Variants in C1orf21 observed in about 807,000 individuals in gnomAD.
C1orf21 encodes uncharacterized protein C1orf21.
In C1orf21, 3 loss-of-function variants were observed where a neutral mutation model predicts 18.7. That is an observed-to-expected ratio of 0.16 (90% CI 0.07 to 0.42). The LOEUF is 0.42. C1orf21 is among the 10% of genes least tolerant of loss of function. The pLI is 0.99. For missense variants in C1orf21, 104 were observed against 143.6 expected (o/e 0.72, Z 1.41); for synonymous variants, 41 against 46.4 (o/e 0.88, Z 0.47).
chr1:184,556,982 A>G (rs549842121), intron 3 of C1orf21, among the ~76,000 whole-genome samples: 9 of 152,128 alleles, frequency 5.9e-5, no homozygotes, highest in Admixed American at 2.6e-4. Flanking sequence ...GTATTTTTTT[A>G]TATTCATTTT....
chr1:184,538,417 C>G (rs1354189464), intron 3 of C1orf21, among the ~76,000 whole-genome samples: 1 of 152,104 alleles, frequency 6.6e-6, no homozygotes, highest in Non-Finnish European at 1.5e-5. Context: ...CCGTAGGTTG[C>G]CTTTTTATTC....
intron 3 of C1orf21, among the ~76,000 whole-genome samples, chr1:184,542,996 A>T (rs899120180): frequency 6.6e-6 from 1 of 152,164 alleles, no homozygotes; most frequent in Non-Finnish European, 1.5e-5. Context: ...GTGCAAATAA[A>T]ATGTCCTCTG....
intron 1 of C1orf21, among the ~76,000 whole-genome samples, chr1:184,468,408 A>G (rs1000870178): frequency 1.3e-5 from 2 of 152,168 alleles, no homozygotes; most frequent in Non-Finnish European, 1.5e-5. Context: ...GGAGGGGGAA[A>G]AAAGGAGGAA....
At chr1:184,584,426 G>A (rs185245834) in intron 3 of C1orf21, among the ~76,000 whole-genome samples, 1 of 152,270 alleles carries the variant, frequency 6.6e-6, no homozygotes, top group Admixed American at 6.5e-5. Flanking sequence ...CCAAGTGTTG[G>A]TGGTGCAGAT....
At chr1:184,471,554 G>A (rs77699916) in intron 1 of C1orf21, among the ~76,000 whole-genome samples, 1,867 of 152,194 alleles carry the variant, frequency 0.012, 44 homozygotes, top group African/African-American at 0.043. Flanking sequence ...AAACCCAGCC[G>A]TGGTCCTGAG....
At chr1:184,567,790 G>T in intron 3 of C1orf21, 1 of 246,728 alleles carries the variant, frequency 4.1e-6, no homozygotes, top group South Asian at 5.4e-5. Context: ...CAAGCCATTT[G>T]AAACTTCAAG....
intron 3 of C1orf21, among the ~76,000 whole-genome samples, chr1:184,509,866 G>A (rs1658119153): frequency 6.6e-6 from 1 of 152,144 alleles, no homozygotes; most frequent in South Asian, 2.1e-4. Context: ...GCATGATGGT[G>A]AGGACTTAGG....
intron 4 of C1orf21, among the ~76,000 whole-genome samples, chr1:184,595,186 G>C (rs1659496607): frequency 6.6e-6 from 1 of 152,192 alleles, no homozygotes; most frequent in Admixed American, 6.5e-5. Context: ...GGTTAAGTCA[G>C]GTACCAATGT....
chr1:184,391,660 T>A (rs547348521), intron 1 of C1orf21, among the ~76,000 whole-genome samples: 2 of 152,208 alleles, frequency 1.3e-5, no homozygotes. Context: ...TGAGACACAT[T>A]TGACAGGAAA....
intron 1 of C1orf21, among the ~76,000 whole-genome samples, chr1:184,401,472 C>T (rs1656150068): frequency 6.6e-6 from 1 of 152,206 alleles, no homozygotes; most frequent in Non-Finnish European, 1.5e-5. Context: ...GGTGATCCGC[C>T]TGCCTCAGTC....
At chr1:184,408,365 G>A (rs1413596465) in intron 1 of C1orf21, 1 of 152,192 alleles carries the variant, frequency 6.6e-6, no homozygotes, top group African/African-American at 2.4e-5. Flanking sequence ...AAGCCTGAAA[G>A]GAAACATTAC....
chr1:184,463,347 T>G (rs886449704), intron 1 of C1orf21, among the ~76,000 whole-genome samples: 4 of 152,144 alleles, frequency 2.6e-5, no homozygotes, highest in African/African-American at 9.7e-5. Flanking sequence ...TTCATAATTT[T>G]TATCATATGG....
intron 1 of C1orf21, among the ~76,000 whole-genome samples, chr1:184,392,855 G>T (rs1486323661): frequency 6.6e-5 from 7 of 106,564 alleles, no homozygotes; most frequent in African/African-American, 2.1e-4. Context: ...TTGAGACAGG[G>T]TTTCATTCTG....
At chr1:184,435,469 G>A (rs1487842831) in intron 1 of C1orf21, among the ~76,000 whole-genome samples, 4 of 152,070 alleles carry the variant, frequency 2.6e-5, no homozygotes, top group East Asian at 1.9e-4. Context: ...TCAGCCTCCC[G>A]AGTAGCTGGG....
chr1:184,544,737 T>G (rs1428468785), intron 3 of C1orf21, among the ~76,000 whole-genome samples: 2 of 151,520 alleles, frequency 1.3e-5, no homozygotes, highest in Non-Finnish European at 2.9e-5. Context: ...TTGGGAGCAC[T>G]TTAGCTGGGC....
Position 184,498,270 on chromosome 1 carries a change from A to G in C1orf21, c.95-9318A>G, listed in dbSNP as rs368067904. On this transcript the variant is annotated intron_variant, in intron 2 of 5. Transcript: ENST00000235307. The stretch of plus-strand genomic sequence containing the variant: ...GATGGTTGTTATCTGAGAATTTTTC[A>G]TTCACCGAAATTCACTTAAGACCAA... 3.9e-5 allele frequency among the ~76,000 whole-genome samples: 6 copies of G among 152,346 alleles called. No individual in the cohort carries two copies. The East Asian group carries it at 1.2e-3, about 29-fold the overall frequency.
intron 3 of C1orf21, among the ~76,000 whole-genome samples, chr1:184,552,843 T>C (rs1479399843): frequency 1.3e-5 from 2 of 152,238 alleles, no homozygotes; most frequent in African/African-American, 4.8e-5. Flanking sequence ...TTTTCTACAA[T>C]GAAATATTGC....
intron 3 of C1orf21, among the ~76,000 whole-genome samples, chr1:184,560,341 A>G (rs1438326897): frequency 6.6e-6 from 1 of 152,174 alleles, no homozygotes; most frequent in East Asian, 1.9e-4. Flanking sequence ...ACCAAAGAAA[A>G]GGCACCGTAA....
intron 3 of C1orf21, among the ~76,000 whole-genome samples, chr1:184,534,976 G>A (rs1284412428): frequency 6.6e-6 from 1 of 152,140 alleles, no homozygotes; most frequent in Non-Finnish European, 1.5e-5. Context: ...TGAGGGGCTG[G>A]ATCTGGAGAG....
Sources: allele counts gnomAD v4.1 joint callset (sites outside exome capture counted in the v4.1 genomes callset), GRCh38; gene constraint gnomAD v4.1.1; transcripts MANE v1.5; gene names NCBI Gene and HGNC (gene_info 2026-07-23, HGNC 2026-07-21).